SYT16: variants seen among roughly 807,000 people sequenced by gnomAD.
SYT16 encodes synaptotagmin 16.
A neutral mutation model predicts 61.4 loss-of-function variants in SYT16; 42 were observed. The observed-to-expected ratio is 0.68, with a 90% CI of 0.53 to 0.89. The LOEUF is 0.89. SYT16 is among the 40% of genes least tolerant of loss of function. The pLI is 0.00. For synonymous variants in SYT16, 314 were observed against 302.3 expected (o/e 1.04, Z -0.40); for missense variants, 804 against 807.3 (o/e 1.00, Z 0.05).
At chr14:62,051,152 A>C (rs576197568) in intron 3 of SYT16, among the ~76,000 whole-genome samples, 2 of 152,084 alleles carry the variant, frequency 1.3e-5, no homozygotes, top group East Asian at 3.9e-4. Flanking sequence ...TTGTTTACCT[A>C]CTCAAGCCTG....
intron 7 of SYT16, among the ~76,000 whole-genome samples, chr14:62,085,581 C>A (rs907723977): frequency 6.6e-6 from 1 of 152,208 alleles, no homozygotes; most frequent in African/African-American, 2.4e-5. Context: ...TCATCTCCTA[C>A]AACTGAATCT....
At position 61,858,889 on chromosome 14, in the gene SYT16, C is replaced by G. The variant is rs556932850; in HGVS notation, c.-325+46079C>G. ...TTTTTTTTTGAGACGGAGTCTCACT[C>G]TGTTGCCCAGGCTGGAGTGCGGCTG... On this transcript the variant is annotated intron_variant, in intron 1 of 7. Coordinates refer to ENST00000683842, the MANE Select transcript of SYT16 (RefSeq NM_001367656.1). Among the ~76,000 whole-genome samples, 83 of 148,758 alleles carry G rather than the reference C, an allele frequency of 5.6e-4. 2 individuals are homozygous for G. Among genetic ancestry groups the G allele is most frequent in the Middle Eastern group, 3.7e-3 (1 of 270 alleles).
At position 62,111,537 on chromosome 14, in the gene SYT16, G is replaced by T. The variant is rs1333433998; in HGVS notation, c.*10830G>T. ...TAATTTTATAAATTTCACTTTTGTG[G>T]ATAGTTAAGTATAACATGGTTTAGT... is the stretch of plus-strand genomic sequence containing the variant. On this transcript the variant is annotated 3_prime_UTR_variant, in exon 8 of 8. Coordinates refer to ENST00000683842, the MANE Select transcript of SYT16 (RefSeq NM_001367656.1). 1 of 152,084 alleles carries T rather than the reference G, an allele frequency of 6.6e-6. No individual in the cohort carries two copies. The highest frequency in any genetic ancestry group is 1.9e-4 in the East Asian group (1 of 5,202). The allele number at this position is 152,084 out of a possible 1,614,324, so 9.4% of individuals were successfully genotyped here. A position where few individuals can be genotyped will look rare whatever the true frequency, so the allele number is the denominator to read the frequency against.
At chr14:62,050,193 ACTTCT>A (rs2055206969) in intron 3 of SYT16, among the ~76,000 whole-genome samples, 1 of 151,648 alleles carries the variant, frequency 6.6e-6, no homozygotes, top group Non-Finnish European at 1.5e-5. Context: ...TTTTCTCTAA[ACTTCT>A]CTTCTCGCTT....
intron 1 of SYT16, among the ~76,000 whole-genome samples, chr14:61,958,754 A>G (rs1161044834): frequency 2.6e-5 from 4 of 151,956 alleles, no homozygotes; most frequent in African/African-American, 9.7e-5. Flanking sequence ...TTCTGTATGT[A>G]TCTGTTAGGT....
At chr14:62,085,456 C>T (rs893256550) in intron 7 of SYT16, among the ~76,000 whole-genome samples, 3 of 152,124 alleles carry the variant, frequency 2.0e-5, no homozygotes, top group Non-Finnish European at 2.9e-5. Context: ...GGGCACCAAA[C>T]TGTTATTGAA....
intron 3 of SYT16, among the ~76,000 whole-genome samples, chr14:62,035,596 T>G (rs1286540471): frequency 6.6e-6 from 1 of 152,176 alleles, no homozygotes; most frequent in Non-Finnish European, 1.5e-5. Context: ...GGTTTCACTG[T>G]TGTGCACAGA....
At chr14:61,979,739 G>A (rs1383927264) in intron 2 of SYT16, among the ~76,000 whole-genome samples, 2 of 152,078 alleles carry the variant, frequency 1.3e-5, no homozygotes, top group Non-Finnish European at 2.9e-5. Context: ...AAAATTAGCT[G>A]GACGTGGTGG....
intron 3 of SYT16, among the ~76,000 whole-genome samples, chr14:62,036,777 C>T (rs2054525977): frequency 6.6e-6 from 1 of 152,130 alleles, no homozygotes; most frequent in African/African-American, 2.4e-5. Context: ...GATTCAATCA[C>T]CTCCCACCAG....
chr14:62,090,864 G>C (rs1174894433), intron 7 of SYT16, among the ~76,000 whole-genome samples: 1 of 152,100 alleles, frequency 6.6e-6, no homozygotes, highest in Non-Finnish European at 1.5e-5. Flanking sequence ...AAGGCAAAAG[G>C]CATGTCTTAC....
intron 1 of SYT16, among the ~76,000 whole-genome samples, chr14:61,871,285 A>G (rs1364662984): frequency 6.6e-6 from 1 of 151,112 alleles, no homozygotes. Flanking sequence ...GGATTTTTTG[A>G]TTGTACCTTT....
At chr14:61,953,702 A>G (rs2050759975) in intron 1 of SYT16, among the ~76,000 whole-genome samples, 2 of 152,048 alleles carry the variant, frequency 1.3e-5, no homozygotes. Flanking sequence ...CTAATGCTAT[A>G]CCTTTGATTG....
rs1251729399 is a variant in SYT16 at position 61,822,274 on chromosome 14, C to A, written c.-325+9464C>A. Among the ~76,000 whole-genome samples, 3 of 152,210 alleles carry A rather than the reference C, an allele frequency of 2.0e-5. No homozygotes were observed. The East Asian group carries it at 5.8e-4, about 29-fold the overall frequency. On this transcript the variant is annotated intron_variant, in intron 1 of 7. Transcript: ENST00000683842. ...GCAGGAGGAGAAAGTCCTGCTCTGG[C>A]AGGGAGAGACAGAGCAGAGGGTGGA...
At chr14:62,089,587 C>A (rs987748537) in intron 7 of SYT16, among the ~76,000 whole-genome samples, 1 of 152,106 alleles carries the variant, frequency 6.6e-6, no homozygotes, top group Non-Finnish European at 1.5e-5. Flanking sequence ...GCCTATAGAA[C>A]CTATTTATAA....
intron 2 of SYT16, among the ~76,000 whole-genome samples, chr14:61,979,196 A>G (rs2051949122): frequency 6.6e-6 from 1 of 152,186 alleles, no homozygotes; most frequent in Admixed American, 6.5e-5. Flanking sequence ...GGGATGTAGG[A>G]GTGGTCTTAT....
At chr14:61,892,697 G>A (rs1401180951) in intron 1 of SYT16, among the ~76,000 whole-genome samples, 1 of 152,180 alleles carries the variant, frequency 6.6e-6, no homozygotes, top group Non-Finnish European at 1.5e-5. Context: ...GGGGGGTGGT[G>A]ACATCCCTTT....
intron 1 of SYT16, among the ~76,000 whole-genome samples, chr14:61,951,294 T>G (rs1309595698): frequency 6.6e-6 from 1 of 152,096 alleles, no homozygotes; most frequent in Non-Finnish European, 1.5e-5. Flanking sequence ...AGGCAAGTCC[T>G]TAAGCATCCA....
chr14:61,832,442 T>C, intron 1 of SYT16: 1 of 432,510 alleles, frequency 2.3e-6, no homozygotes. Context: ...CTTTTTTGTT[T>C]TTTTCTTTTC....
chr14:61,910,208 C>A (rs2140378374), intron 1 of SYT16, among the ~76,000 whole-genome samples: 1 of 145,468 alleles, frequency 6.9e-6, no homozygotes, highest in Admixed American at 7.1e-5. Flanking sequence ...ATAATTTCTG[C>A]AAAATGTATG....
Sources: gnomAD v4.1 joint callset for allele counts (sites outside exome capture counted in the v4.1 genomes callset) on GRCh38, gnomAD v4.1.1 for gene constraint, MANE v1.5 for transcripts, NCBI Gene and HGNC (gene_info 2026-07-23, HGNC 2026-07-21) for gene names.